Variants in PTCD3 observed in about 807,000 individuals in gnomAD.
PTCD3 encodes the protein pentatricopeptide repeat domain 3, also known as small ribosomal subunit protein mS39.
A neutral mutation model predicts 101.9 loss-of-function variants in PTCD3; 89 were observed. That is an observed-to-expected ratio of 0.87 (90% confidence interval 0.74 to 1.04). PTCD3 has a LOEUF of 1.04. Ranked by LOEUF, PTCD3 falls within the 50% of genes least tolerant of loss-of-function variation. The pLI is 0.00. For missense variants in PTCD3, 870 were observed against 828.2 expected (o/e 1.05, Z -0.62); for synonymous variants, 296 against 278.5 (o/e 1.06, Z -0.63).
intron 19 of PTCD3, 90 bp downstream of exon 19, chr2:86,133,526 A>C: frequency 7.9e-7 from 1 of 1,265,966 alleles, no homozygotes; most frequent in South Asian, 1.3e-5. Flanking sequence ...GTTAGGGATG[A>C]AAACTTCCAT....
intron 1 of PTCD3, chr2:86,107,276 A>G (rs1673975840): frequency 2.1e-6 from 1 of 469,022 alleles, no homozygotes; most frequent in Non-Finnish European, 4.4e-6. Flanking sequence ...CGTTCTCAAA[A>G]TAACTGTGAT....
rs753078922 is a variant in PTCD3 at position 86,131,113 on chromosome 2, A to G, written c.1266+7A>G. On this transcript the variant is annotated splice_region_variant and intron_variant, in intron 16 of 23. Transcript: ENST00000254630. ...TCAGTCAGCCATGAGCATAGTAAGT[A>G]TCATTTCTTTATTAATTTGCTATCC... 2.5e-6 allele frequency: 4 copies of G among 1,586,400 alleles called. No homozygotes were observed. Among genetic ancestry groups the G allele is most frequent in the Non-Finnish European group, 3.4e-6 (4 of 1,165,806 alleles).
At chr2:86,108,899 A>G (rs940163198) in intron 3 of PTCD3, 3 of 201,130 alleles carry the variant, frequency 1.5e-5, no homozygotes, top group Non-Finnish European at 2.0e-5. Context: ...TATTATCTCT[A>G]ATGAGGTAAA....
At chr2:86,111,193 A>G (rs1674077406) in intron 4 of PTCD3, 35 bp downstream of exon 4, 2 of 1,567,220 alleles carry the variant, frequency 1.3e-6, no homozygotes, top group African/African-American at 1.4e-5. Context: ...TTAACCTAAA[A>G]CTTGGCTAAT....
chr2:86,108,152 C>T (rs977789100), intron 1 of PTCD3, among the ~76,000 whole-genome samples, 198 bp from the exon 2 acceptor site: 14 of 150,708 alleles, frequency 9.3e-5, no homozygotes, highest in African/African-American at 3.2e-4. Context: ...AAAGTTTTGA[C>T]AGTCTTGTCC....
At chr2:86,128,703 T>C (rs1674442005) in intron 14 of PTCD3, among the ~76,000 whole-genome samples, 1 of 152,186 alleles carries the variant, frequency 6.6e-6, no homozygotes, top group South Asian at 2.1e-4. Context: ...TTTAGGTCAG[T>C]TCCAGTGGGA....
Position 86,106,869 on chromosome 2 carries a change from C to T in PTCD3, c.104+518C>T, listed in dbSNP as rs115269139. ...AGTTATAGCTTGGAACATGTATGAC[C>T]TATCTGTGTAATTTTTTTTTCACTC... On this transcript the variant is annotated intron_variant, in intron 1 of 23. Coordinates refer to ENST00000254630, the MANE Select transcript of PTCD3 (RefSeq NM_017952.6). 6.0e-3 allele frequency among the ~76,000 whole-genome samples: 917 copies of T among 152,244 alleles called. 7 individuals are homozygous for T. Among genetic ancestry groups the T allele is most frequent in the Middle Eastern group, 0.02 (6 of 294 alleles).
rs569836412 is a variant in PTCD3, at chr2:86,140,478, A to G, written c.*2919A>G. 3.9e-5 allele frequency: 6 copies of G among 152,302 alleles called. No homozygotes were observed. The South Asian group carries it at 1.2e-3, about 32-fold the overall frequency. 9.4% of individuals were successfully genotyped at this position (152,302 alleles called of 1,614,324 possible). A position where few individuals can be genotyped will look rare whatever the true frequency, so the allele number is the denominator to read the frequency against. Reference sequence around the variant, plus strand: ...TTGTGATGGTGCATTTTTGCATTGCAGTATAGATCTGTGCATAGATATATG... The same window carrying G: ...TTGTGATGGTGCATTTTTGCATTGCGGTATAGATCTGTGCATAGATATATG... On this transcript the variant is annotated 3_prime_UTR_variant, in exon 24 of 24. Coordinates refer to ENST00000254630, the MANE Select transcript of PTCD3 (RefSeq NM_017952.6).
intron 14 of PTCD3, among the ~76,000 whole-genome samples, chr2:86,130,126 C>T (rs1389594996): frequency 2.0e-5 from 3 of 152,032 alleles, no homozygotes; most frequent in Admixed American, 6.6e-5. Context: ...ATGGGGAAAC[C>T]CCTCCTCTAC....
chr2:86,134,373 C>A lies in PTCD3; in HGVS notation c.1625C>A (p.Pro542Gln). 1.2e-6 allele frequency: 2 copies of A among 1,610,112 alleles called. No homozygotes were observed. Among genetic ancestry groups the A allele is most frequent in the South Asian group, 2.2e-5 (2 of 90,940 alleles). ...CTCATGGCAAGGGACAAGCACCCAC[C>A]AGAGGTAGGCCTGAAACTCACCAGC... ...LMLMARDKHP[P>Q]ELQVAFADCA... Residue 542 changes from proline (P) to glutamine (Q), a missense_variant, in exon 20 of 24, where the codon CCA becomes CAA. By Grantham distance (76) the Pro-to-Gln change is moderately conservative (BLOSUM62 -1). Coordinates refer to ENST00000254630, the MANE Select transcript of PTCD3 (RefSeq NM_017952.6).
At chr2:86,114,121 T>C (rs888378308) in intron 4 of PTCD3, among the ~76,000 whole-genome samples, 3 of 152,164 alleles carry the variant, frequency 2.0e-5, no homozygotes, top group Admixed American at 1.3e-4. Flanking sequence ...GTTATTCGTT[T>C]ATCCATTCAT....
In PTCD3 at chr2:86,130,728, C is replaced by A. The variant is rs1674481226; in HGVS notation, c.1228C>A (p.Pro410Thr). The A allele has an allele frequency of 1.2e-6, 2 of 1,613,100 alleles. No individual in the cohort carries two copies. The highest frequency in any genetic ancestry group is 1.7e-6 in the Non-Finnish European group (2 of 1,179,616). The change falls in exon 15 of 24, where the codon CCG becomes ACG. Residue 410 changes from proline to threonine, a missense_variant. By Grantham distance (38) the Pro-to-Thr change is conservative. Transcript: ENST00000254630. ...GGGAAAGAGATTTTCTCCAAAGGAC[C>A]CGGATGATGGCATGTATAGAAATCA... ...LMGKRFSPKD[P>T]DDDKFFQSAM...
intron 1 of PTCD3, 42 bp downstream of exon 1, chr2:86,106,393 C>T: frequency 1.3e-6 from 2 of 1,576,442 alleles, no homozygotes; most frequent in Non-Finnish European, 1.7e-6. Context: ...ACCGCGGAGT[C>T]ACCTTAGTCC....
intron 17 of PTCD3, 157 bp from the exon 18 acceptor site, chr2:86,133,021 T>C: frequency 8.3e-7 from 1 of 1,208,460 alleles, no homozygotes; most frequent in Non-Finnish European, 1.1e-6. Flanking sequence ...CAGCACACAC[T>C]GGCAGCTCTT....
intron 23 of PTCD3, 137 bp downstream of exon 23, chr2:86,137,277 T>C: frequency 7.6e-7 from 1 of 1,312,116 alleles, no homozygotes; most frequent in Non-Finnish European, 1.0e-6. Context: ...ACTATTTCAT[T>C]TGTCATGCAA....
Position 86,121,501 on chromosome 2 carries a change from A to G in PTCD3, c.561A>G (p.Thr187=). 1.9e-6 allele frequency: 3 copies of G among 1,604,906 alleles called. No individual in the cohort carries two copies. The highest frequency in any genetic ancestry group is 2.5e-6 in the Non-Finnish European group (3 of 1,176,856). The change falls in exon 8 of 24, where the codon ACA becomes ACG. Residue 187 remains threonine (T), a synonymous_variant. Transcript: ENST00000254630. The stretch of plus-strand genomic sequence containing the variant: ...CAGGAACCACTGTGTCTCTTGAAAC[A>G]ACAAATAGTCTCTTGGATTTATTGT... ...LQAGTTVSLE[T]TNSLLDLLCY...
chr2:86,114,717 G>A (rs1008405019), intron 4 of PTCD3, among the ~76,000 whole-genome samples: 3 of 152,144 alleles, frequency 2.0e-5, no homozygotes, highest in Non-Finnish European at 2.9e-5. Context: ...TGTTAGCAAA[G>A]CCTTTGTTTA....
intron 15 of PTCD3, 122 bp downstream of exon 15, chr2:86,130,859 A>G (rs1379673008): frequency 2.3e-5 from 33 of 1,442,180 alleles, no homozygotes; most frequent in Middle Eastern, 2.5e-4. Flanking sequence ...TTTTAAATAA[A>G]TTTGAGTACA....
Position 86,137,672 on chromosome 2 carries a change from G to T in PTCD3, c.*113G>T. ...TACAAAGAAGAAAAGATACAGATTTGGTGAATTTGTTACTGTGAGGTACAG... is the reference window on the plus strand; with the variant it reads ...TACAAAGAAGAAAAGATACAGATTTTGTGAATTTGTTACTGTGAGGTACAG... On this transcript the variant is annotated 3_prime_UTR_variant, in exon 24 of 24. Transcript: ENST00000254630. The T allele has an allele frequency of 6.7e-7, 1 of 1,486,808 alleles. No individual in the cohort carries two copies. Among genetic ancestry groups the T allele is most frequent in the Non-Finnish European group, 9.1e-7 (1 of 1,103,640 alleles). 92.1% of individuals were successfully genotyped at this position (1,486,808 alleles called of 1,614,324 possible).
Sources: gnomAD v4.1 joint callset for allele counts (sites outside exome capture counted in the v4.1 genomes callset) on GRCh38, gnomAD v4.1.1 for gene constraint, MANE v1.5 for transcripts, NCBI Gene and HGNC (gene_info 2026-07-23, HGNC 2026-07-21) for gene names.